ERP27: variants seen among roughly 807,000 people sequenced by gnomAD.
ERP27 encodes the protein endoplasmic reticulum resident protein 27.
In ERP27, 23 loss-of-function variants were observed where a neutral mutation model predicts 27.7. The ratio of observed to expected loss-of-function variants is 0.83; its 90% CI spans 0.60 to 1.18. The LOEUF is 1.18. Among genes scored for constraint, ERP27 ranks in the 50% most tolerant of loss-of-function variants. The pLI is 0.00. For missense variants in ERP27, 363 were observed against 327.9 expected (o/e 1.11, Z -0.83); for synonymous variants, 159 against 118.3 (o/e 1.34, Z -2.23).
chr12:14,923,044 G>A (rs1360450340), intron 3 of ERP27, among the ~76,000 whole-genome samples: 9 of 148,662 alleles, frequency 6.1e-5, no homozygotes, highest in African/African-American at 1.2e-4. Flanking sequence ...ATTGCACTCC[G>A]GCCTGGGTGG....
In ERP27 at chr12:14,937,965, A is replaced by G. The variant is rs1269002282; in HGVS notation, c.182T>C (p.Ile61Thr). ...EFIAATEVAV[I>T]GFFQDLEIPA... is the part of the protein sequence containing the mutation. Reference sequence around the variant, plus strand: ...TAGGGAACTAACCTGGAAGAAGCCTATGACAGCCACCTCAGTGGCAGCAAT... The same window carrying G: ...TAGGGAACTAACCTGGAAGAAGCCTGTGACAGCCACCTCAGTGGCAGCAAT... The change falls in exon 2 of 7, where the codon ATA becomes ACA. Residue 61 changes from isoleucine (I) to threonine (T), a missense_variant. By Grantham distance (89) the Ile-to-Thr change is moderately conservative. Transcript: ENST00000266397. 1 of 1,614,006 alleles carries G rather than the reference A, an allele frequency of 6.2e-7. No individual in the cohort carries two copies. The highest frequency in any genetic ancestry group is 8.5e-7 in the Non-Finnish European group (1 of 1,179,906).
Position 14,917,302 on chromosome 12 carries a change from G to A in ERP27, c.452C>T (p.Thr151Ile), listed in dbSNP as rs1863426644. 6.2e-7 allele frequency: 1 copy of A among 1,614,012 alleles called. No homozygotes were observed. The highest frequency in any genetic ancestry group is 8.5e-7 in the Non-Finnish European group (1 of 1,180,010). The change falls in exon 5 of 7, where the codon ACT becomes ATT. Residue 151 changes from threonine (T) to isoleucine (I), a missense_variant and splice_region_variant. Physicochemically the swap from Thr to Ile is moderately conservative, Grantham distance 89 (BLOSUM62 -1). Transcript: ENST00000266397. ...TACGCTGTTGAATAACCCAATCACA[G>A]TCTGGCAAGTCGAAATGTGTTACAG... The part of the protein sequence containing the change: ...LHMVTEYNPV[T>I]VIGLFNSVIQ...
rs1555097430 is a variant in ERP27 at position 14,914,577 on chromosome 12, T to TGTGTGTGCGC, written c.*157_*158insGCGCACACAC. On this transcript the variant is annotated 3_prime_UTR_variant, in exon 7 of 7. Coordinates refer to ENST00000266397, the MANE Select transcript of ERP27 (RefSeq NM_152321.4). ...GAAGCTCTGTGTGTGTGTGTGTGTGTGCGTGTGTGTGTGCACGCGTGCGTG... is the reference window on the plus strand; with the variant it reads ...GAAGCTCTGTGTGTGTGTGTGTGTGTGTGTGTGCGCGCGTGTGTGTGTGCACGCGTGCGTG... The TGTGTGTGCGC allele has an allele frequency of 7.4e-6, 4 of 542,128 alleles. No homozygotes were observed. Among genetic ancestry groups the TGTGTGTGCGC allele is most frequent in the Non-Finnish European group, 1.3e-5 (4 of 307,250 alleles). 33.6% of individuals were successfully genotyped at this position (542,128 alleles called of 1,614,324 possible).
chr12:14,937,964 T>A lies in ERP27; in HGVS notation c.183A>T (p.Ile61=). ...GTAGGGAACTAACCTGGAAGAAGCC[T>A]ATGACAGCCACCTCAGTGGCAGCAA... ...EFIAATEVAV[I]GFFQDLEIPA... The change falls in exon 2 of 7, where the codon ATA becomes ATT. Residue 61 remains isoleucine (I), a synonymous_variant. Transcript: ENST00000266397. The A allele has an allele frequency of 6.2e-7, 1 of 1,613,920 alleles. No individual in the cohort carries two copies. The highest frequency in any genetic ancestry group is 1.1e-5 in the South Asian group (1 of 91,074).
At chr12:14,938,354 C>G in intron 1 of ERP27, 61 bp downstream of exon 1, 1 of 1,518,144 alleles carries the variant, frequency 6.6e-7, no homozygotes, top group South Asian at 1.1e-5. Flanking sequence ...CCACCATGCT[C>G]CCTTTCCTTC....
At chr12:14,922,720 C>A (rs537168963) in intron 3 of ERP27, among the ~76,000 whole-genome samples, 1 of 152,278 alleles carries the variant, frequency 6.6e-6, no homozygotes, top group South Asian at 2.1e-4. Context: ...CTCCTAGAAA[C>A]ATTGTCTTTC....
chr12:14,917,029 A>G (rs1406500503), intron 5 of ERP27, 149 bp downstream of exon 5: 65 of 855,924 alleles, frequency 7.6e-5, no homozygotes, highest in Non-Finnish European at 3.1e-5. Context: ...CTAATTTCAA[A>G]TAATGTGATT....
chr12:14,936,988 T>G (rs1326335892), intron 2 of ERP27, among the ~76,000 whole-genome samples: 1 of 152,176 alleles, frequency 6.6e-6, no homozygotes, highest in Non-Finnish European at 1.5e-5. Flanking sequence ...AATTGAGGCC[T>G]CCTCTCTTAT....
At chr12:14,914,921 T>A in intron 6 of ERP27, 139 bp from the exon 7 acceptor site, 2 of 673,584 alleles carry the variant, frequency 3.0e-6, no homozygotes, top group Non-Finnish European at 2.4e-6. Context: ...TGCTTTACAC[T>A]AAATGCTGAA....
At chr12:14,933,112 T>C (rs1002666965) in intron 3 of ERP27, among the ~76,000 whole-genome samples, 1 of 152,174 alleles carries the variant, frequency 6.6e-6, no homozygotes, top group African/African-American at 2.4e-5. Context: ...ATTCTTCATA[T>C]ATTCATTCTA....
intron 3 of ERP27, among the ~76,000 whole-genome samples, chr12:14,932,901 C>A (rs1035402758): frequency 4.6e-5 from 7 of 152,148 alleles, no homozygotes; most frequent in African/African-American, 1.7e-4. Context: ...TTAGCAGGTG[C>A]AGACAATAAA....
At chr12:14,926,285 GTATTAA>G (rs149212335) in intron 3 of ERP27, among the ~76,000 whole-genome samples, 2,397 of 152,162 alleles carry the variant, frequency 0.016, 66 homozygotes, top group African/African-American at 0.055. Flanking sequence ...ACTTTGTTTG[GTATTAA>G]TATATTCATA....
chr12:14,915,428 A>G, intron 6 of ERP27, 61 bp downstream of exon 6: 1 of 1,561,444 alleles, frequency 6.4e-7, no homozygotes, highest in Non-Finnish European at 8.8e-7. Flanking sequence ...TTCTTATTCA[A>G]CTGGAAATAA....
intron 3 of ERP27, among the ~76,000 whole-genome samples, chr12:14,934,090 A>T (rs1224061063): frequency 3.3e-5 from 5 of 152,228 alleles, no homozygotes; most frequent in African/African-American, 1.2e-4. Context: ...ATACGATTTT[A>T]ATCAAGTTTC....
intron 3 of ERP27, among the ~76,000 whole-genome samples, chr12:14,923,298 C>T (rs1168936361): frequency 6.6e-6 from 1 of 152,006 alleles, no homozygotes; most frequent in Non-Finnish European, 1.5e-5. Flanking sequence ...TCATCTAGGT[C>T]TCCAGCTCAC....
rs1031584254 is a variant in ERP27 at position 14,923,365 on chromosome 12, T to TA, written c.334-2318dup. On this transcript the variant is annotated intron_variant, in intron 3 of 6. Transcript: ENST00000266397. ...ATATTTGTATGAGCCATTATCTTAT[T>TA]AAAAAAATCTCTTAATATGTATATT... 9.9e-5 allele frequency among the ~76,000 whole-genome samples: 15 copies of TA among 151,664 alleles called. No homozygotes were observed. The South Asian group carries it at 1.5e-3, about 15-fold the overall frequency.
At position 14,922,930 on chromosome 12, in the gene ERP27, C is replaced by T. The variant is rs114312120; in HGVS notation, c.334-1882G>A. The stretch of plus-strand genomic sequence containing the variant: ...TCTCTACTAAAAGTACAAAAATTAG[C>T]TGGTGGTGCACGCCTGTAATGCCAG... On this transcript the variant is annotated intron_variant, in intron 3 of 6. Coordinates refer to ENST00000266397, the MANE Select transcript of ERP27 (RefSeq NM_152321.4). Among the ~76,000 whole-genome samples the T allele has an allele frequency of 4.2e-3, 635 of 152,144 alleles. 5 individuals are homozygous for T. Among genetic ancestry groups the T allele is most frequent in the African/African-American group, 0.015 (624 of 41,534 alleles).
chr12:14,921,172 A>G (rs1863497902), intron 3 of ERP27, 124 bp from the exon 4 acceptor site: 1 of 747,996 alleles, frequency 1.3e-6, no homozygotes, highest in Non-Finnish European at 2.2e-6. Context: ...TAAGTAAGAG[A>G]GTTTCTCTGC....
At chr12:14,929,090 G>T in intron 3 of ERP27, 1 of 1,520,638 alleles carries the variant, frequency 6.6e-7, no homozygotes, top group Non-Finnish European at 8.8e-7. Context: ...GGAATTCCTA[G>T]GTCTGGTGCC....
Sources: allele counts gnomAD v4.1 joint callset (sites outside exome capture counted in the v4.1 genomes callset), GRCh38; gene constraint gnomAD v4.1.1; transcripts MANE v1.5; gene names NCBI Gene and HGNC (gene_info 2026-07-23, HGNC 2026-07-21).